The following IPO7 variants were observed in gnomAD, a reference collection of about 807,000 sequenced individuals.
The protein encoded by IPO7 is importin-7.
IPO7 carries 13 observed loss-of-function variants against 136.4 expected under a neutral mutation model. The observed-to-expected ratio is 0.10, with a 90% CI of 0.06 to 0.15. The LOEUF (loss-of-function observed/expected upper bound fraction) is 0.15. Ranked by LOEUF, IPO7 falls within the 10% of genes least tolerant of loss-of-function variation. The pLI is 1.00. For missense variants in IPO7, 857 were observed against 1,240.6 expected (o/e 0.69, Z 4.65); for synonymous variants, 403 against 404.4 (o/e 1.00, Z 0.04).
chr11:9,440,679 A>T lies in IPO7; in HGVS notation c.2902+18A>T. On this transcript the variant is annotated intron_variant, in intron 23 of 24. Transcript: ENST00000379719. ...CTTTCAAAGTAAGTCAACTTGTTAC[A>T]TGTGGATCCATTTCATTGAACAAAT... is the stretch of plus-strand genomic sequence containing the variant. 1 of 1,524,214 alleles carries T rather than the reference A, an allele frequency of 6.6e-7. No individual in the cohort carries two copies. Among genetic ancestry groups the T allele is most frequent in the Admixed American group, 1.7e-5 (1 of 59,918 alleles). The allele number at this position is 1,524,214 out of a possible 1,614,324, so 94.4% of individuals were successfully genotyped here.
In IPO7 at chr11:9,440,508, G is replaced by C; in HGVS notation, c.2749G>C (p.Glu917Gln). The change falls in exon 23 of 25, where the codon GAG (glutamate) becomes CAG (glutamine). Residue 917 changes from glutamate to glutamine, a missense_variant. By Grantham distance (29) the Glu-to-Gln change is conservative (BLOSUM62 2). Transcript: ENST00000379719. ...DIDEDGQEYLEILAKQAGEDG... is the reference protein window; with the variant it reads ...DIDEDGQEYLQILAKQAGEDG... ...TGATGAAGATGGGCAAGAATATTTG[G>C]AGATTCTGGCTAAGCAGGCTGGTGA... 1 of 1,614,072 alleles carries C rather than the reference G, an allele frequency of 6.2e-7. No homozygotes were observed. Among genetic ancestry groups the C allele is most frequent in the Non-Finnish European group, 8.5e-7 (1 of 1,179,952 alleles).
At chr11:9,419,560 ATATATATATATAT>A (rs1443782896) in intron 6 of IPO7, among the ~76,000 whole-genome samples, 4 of 81,752 alleles carry the variant, frequency 4.9e-5, no homozygotes, top group Admixed American at 1.2e-4. Context: ...AAAAAAAAAA[ATATATATATATAT>A]ATATATATAT....
intron 1 of IPO7, among the ~76,000 whole-genome samples, chr11:9,387,988 A>G (rs1304569807): frequency 1.1e-3 from 140 of 124,476 alleles, no homozygotes; most frequent in Middle Eastern, 0.014. Context: ...TCTCTACTAA[A>G]AATACAAAAT....
chr11:9,419,576 A>G (rs1855097986), intron 6 of IPO7, among the ~76,000 whole-genome samples: 2 of 144,642 alleles, frequency 1.4e-5, no homozygotes, highest in South Asian at 2.1e-4. Flanking sequence ...ATATATATAT[A>G]TATATATATA....
At chr11:9,406,437 G>A (rs1334953412) in intron 2 of IPO7, among the ~76,000 whole-genome samples, 3 of 152,026 alleles carry the variant, frequency 2.0e-5, no homozygotes, top group East Asian at 1.9e-4. Flanking sequence ...CTTTAGGAGT[G>A]ATATTAATAA....
At chr11:9,428,450 A>G in intron 12 of IPO7, 90 bp from the exon 13 acceptor site, 1 of 557,848 alleles carries the variant, frequency 1.8e-6, no homozygotes, top group Non-Finnish European at 3.2e-6. Context: ...TGTAACATTA[A>G]TAGTCATTTT....
At chr11:9,397,341 A>AATATAT (rs1398990687) in intron 1 of IPO7, among the ~76,000 whole-genome samples, 3 of 10,760 alleles carry the variant, frequency 2.8e-4, no homozygotes, top group Non-Finnish European at 5.5e-4. Flanking sequence ...TTTAAAAAAA[A>AATATAT]ATATATATAT....
At chr11:9,442,334 TAACTC>T (rs1855470297) in intron 24 of IPO7, 137 bp downstream of exon 24, 2 of 516,508 alleles carry the variant, frequency 3.9e-6, no homozygotes, top group South Asian at 3.1e-5. Context: ...TGATAGGAAT[TAACTC>T]TAATCTGAGG....
At chr11:9,410,859 G>C (rs1442472547) in intron 4 of IPO7, among the ~76,000 whole-genome samples, 2 of 152,206 alleles carry the variant, frequency 1.3e-5, no homozygotes, top group Admixed American at 6.5e-5. Context: ...TTTATTGCCA[G>C]TCTTAACAGC....
At chr11:9,391,686 A>G (rs1854635242) in intron 1 of IPO7, among the ~76,000 whole-genome samples, 1 of 152,240 alleles carries the variant, frequency 6.6e-6, no homozygotes, top group Non-Finnish European at 1.5e-5. Flanking sequence ...CCTGGGCGAC[A>G]GCAAGACTCC....
In IPO7 at chr11:9,433,587, G is replaced by A; in HGVS notation, c.1899G>A (p.Glu633=). 1 of 1,612,090 alleles carries A rather than the reference G, an allele frequency of 6.2e-7. No homozygotes were observed. The highest frequency in any genetic ancestry group is 8.5e-7 in the Non-Finnish European group (1 of 1,179,712). The change falls in exon 17 of 25, where the codon GAG becomes GAA. Residue 633 remains glutamate, a synonymous_variant. Coordinates refer to ENST00000379719, the MANE Select transcript of IPO7 (RefSeq NM_006391.3). Reference sequence around the variant, plus strand: ...TCTTTTAGATAACCCAACAGCTTGAGGGAATCTGCTTACAGGTCATTGGTA... The same window carrying A: ...TCTTTTAGATAACCCAACAGCTTGAAGGAATCTGCTTACAGGTCATTGGTA... The part of the protein sequence containing the change: ...EDHKEITQQL[E]GICLQVIGTV...
intron 4 of IPO7, among the ~76,000 whole-genome samples, chr11:9,410,339 G>A (rs7480643): frequency 0.57 from 86,578 of 151,930 alleles, 25,621 homozygotes; most frequent in Non-Finnish European, 0.65. Flanking sequence ...AAACTAAGTT[G>A]TCTCTAAAGA....
At chr11:9,429,569 T>G in intron 14 of IPO7, 105 bp from the exon 15 acceptor site, 5 of 788,618 alleles carry the variant, frequency 6.3e-6, no homozygotes, top group Non-Finnish European at 9.9e-6. Flanking sequence ...GCATACTTCC[T>G]TTTTATGTGA....
chr11:9,392,966 G>A (rs1040038734), intron 1 of IPO7, among the ~76,000 whole-genome samples: 11 of 134,148 alleles, frequency 8.2e-5, no homozygotes, highest in Non-Finnish European at 4.7e-5. Flanking sequence ...AAAAAAAAAA[G>A]TTACGGGTTT....
intron 6 of IPO7, among the ~76,000 whole-genome samples, chr11:9,417,729 T>A (rs1316483031): frequency 6.6e-6 from 1 of 151,316 alleles, no homozygotes; most frequent in Non-Finnish European, 1.5e-5. Context: ...TTTTTTTTTT[T>A]AAGCTGAAGT....
chr11:9,387,885 T>G (rs2133714543), intron 1 of IPO7, among the ~76,000 whole-genome samples: 1 of 150,214 alleles, frequency 6.7e-6, no homozygotes, highest in South Asian at 2.1e-4. Flanking sequence ...TGGTGGCTCA[T>G]GCCTGGAATT....
chr11:9,443,483 C>T lies in IPO7; in HGVS notation c.3019+1286C>T, dbSNP rs566472970. Among the ~76,000 whole-genome samples, 14 of 146,912 alleles carry T rather than the reference C, an allele frequency of 9.5e-5. No homozygotes were observed. The East Asian group carries it at 2.1e-3, about 22-fold the overall frequency. On this transcript the variant is annotated intron_variant, in intron 24 of 24. Coordinates refer to ENST00000379719, the MANE Select transcript of IPO7 (RefSeq NM_006391.3). ...AGGCATGCCTGTAATCCCAGCTACT[C>T]GGGAGGCTGAGGCAGGAGAATTGCT... is the stretch of plus-strand genomic sequence containing the variant.
At chr11:9,421,032 C>G (rs1855119752) in intron 8 of IPO7, among the ~76,000 whole-genome samples, 1 of 152,024 alleles carries the variant, frequency 6.6e-6, no homozygotes. Flanking sequence ...AATCTCGGCT[C>G]ACTGCAACTT....
chr11:9,430,127 T>G (rs190008112), intron 15 of IPO7, among the ~76,000 whole-genome samples: 2 of 152,054 alleles, frequency 1.3e-5, no homozygotes, highest in African/African-American at 4.8e-5. Flanking sequence ...TTTCCGGCAG[T>G]AATGCTCACT....
Sources: allele counts gnomAD v4.1 joint callset (sites outside exome capture counted in the v4.1 genomes callset), GRCh38; gene constraint gnomAD v4.1.1; transcripts MANE v1.5; gene names NCBI Gene and HGNC (gene_info 2026-07-23, HGNC 2026-07-21).